Variants in LIPE observed in about 807,000 individuals in gnomAD.
LIPE encodes the protein lipase E, hormone sensitive type.
A neutral mutation model predicts 88.5 loss-of-function variants in LIPE; 66 were observed. That is an observed-to-expected ratio of 0.75 (90% CI 0.61 to 0.91). The LOEUF (loss-of-function observed/expected upper bound fraction) is 0.91, where lower values mean the gene tolerates loss of function less well. Among genes scored for constraint, LIPE ranks in the 40% least tolerant of loss-of-function variants. The pLI is 0.00. For synonymous variants in LIPE, 570 were observed against 617.5 expected (o/e 0.92, Z 1.14); for missense variants, 1,346 against 1,434.7 (o/e 0.94, Z 1.00).
At chr19:42,405,329 T>C in intron 8 of LIPE, 56 bp downstream of exon 8, 1 of 1,565,786 alleles carries the variant, frequency 6.4e-7, no homozygotes, top group Admixed American at 1.7e-5. Context: ...TTTGCTGTGC[T>C]AGGCTGTCCC....
At chr19:42,403,288 T>A (rs1295479776) in intron 8 of LIPE, among the ~76,000 whole-genome samples, 4 of 140,294 alleles carry the variant, frequency 2.9e-5, no homozygotes, top group Admixed American at 7.1e-5. Context: ...TGTGTGTGTG[T>A]GTGTGACTGG....
chr19:42,404,205 C>G (rs1419129905), intron 8 of LIPE, among the ~76,000 whole-genome samples: 8 of 151,306 alleles, frequency 5.3e-5, no homozygotes. Context: ...GCTGGGATTA[C>G]AGGCATGCCA....
intron 1 of LIPE, chr19:42,412,628 A>G (rs2040406961): frequency 1.1e-6 from 1 of 943,496 alleles, no homozygotes; most frequent in Non-Finnish European, 1.3e-6. Context: ...CTTAGAACCC[A>G]GGAGTCCACA....
chr19:42,402,473 C>T (rs553808674), intron 9 of LIPE, 134 bp downstream of exon 9: 1 of 778,540 alleles, frequency 1.3e-6, no homozygotes, highest in South Asian at 3.4e-5. Flanking sequence ...ATTGTTCTCC[C>T]CTGGGGACAC....
At position 42,401,895 on chromosome 19, in the gene LIPE, C is replaced by G; in HGVS notation, c.3148G>C (p.Val1050Leu). Reference sequence around the variant, plus strand: ...CCGGCTCCGGCGGGAGGAGTGAGGACGAGGCGGATGCGCTCCACGCACAGC... The same window carrying G: ...CCGGCTCCGGCGGGAGGAGTGAGGAGGAGGCGGATGCGCTCCACGCACAGC... Reference protein sequence around the residue: ...AELCVERIRLVLTPPAGAGPS... With the variant: ...AELCVERIRLLLTPPAGAGPS... The change falls in exon 10 of 10, where the codon GTC becomes CTC. Residue 1050 changes from valine (V) to leucine (L), a missense_variant. By Grantham distance (32) the Val-to-Leu change is conservative. Coordinates refer to ENST00000244289, the MANE Select transcript of LIPE (RefSeq NM_005357.4). 1.9e-6 allele frequency: 3 copies of G among 1,544,192 alleles called. No homozygotes were observed. The highest frequency in any genetic ancestry group is 1.2e-5 in the South Asian group (1 of 83,816).
At chr19:42,423,944 T>C in intron 1 of LIPE, 2 of 1,169,604 alleles carry the variant, frequency 1.7e-6, no homozygotes, top group South Asian at 1.7e-5. Flanking sequence ...AGGGATGCCC[T>C]AGCACGCGGC....
At chr19:42,424,138 T>G (rs1179905870) in intron 1 of LIPE, 1 of 1,200,142 alleles carries the variant, frequency 8.3e-7, no homozygotes, top group South Asian at 1.5e-5. Context: ...GTTCTCCTAT[T>G]GCGCTTTTCC....
In LIPE at chr19:42,412,675, G is replaced by C. The variant is rs148716622; in HGVS notation, c.884-1833C>G. 284 of 529,044 alleles carry C rather than the reference G, an allele frequency of 5.4e-4. 1 individual carries two copies. In the African/African-American group the frequency reaches 5.5e-3, roughly 10 times the overall value. 32.8% of individuals were successfully genotyped at this position (529,044 alleles called of 1,614,324 possible). ...TCCTCCCTCAGACCCAGGAGTCCAG[G>C]CCCCCAGCCCCTTCATCCTTTAGGA... On this transcript the variant is annotated intron_variant, in intron 1 of 9. Coordinates refer to ENST00000244289, the MANE Select transcript of LIPE (RefSeq NM_005357.4).
At position 42,427,160 on chromosome 19, in the gene LIPE, C is replaced by T. The variant is rs1050359485; in HGVS notation, c.-11G>A. On this transcript the variant is annotated 5_prime_UTR_variant, in exon 1 of 10. Transcript: ENST00000244289. ...AGAACCTGGCTCCATTGTTATTTCC[C>T]TCACGGGAGATATTGATCTTCCAGG... 20 of 1,577,236 alleles carry T rather than the reference C, an allele frequency of 1.3e-5. No homozygotes were observed. The highest frequency in any genetic ancestry group is 1.7e-5 in the Non-Finnish European group (20 of 1,165,730).
rs866046624 is a variant in LIPE at position 42,412,395 on chromosome 19, G to C, written c.884-1553C>G. 45 of 985,930 alleles carry C rather than the reference G, an allele frequency of 4.6e-5. No individual in the cohort carries two copies. In the African/African-American group the frequency reaches 6.6e-4, roughly 15 times the overall value. 61.1% of individuals were successfully genotyped at this position (985,930 alleles called of 1,614,324 possible). On this transcript the variant is annotated intron_variant, in intron 1 of 9. Transcript: ENST00000244289. Reference sequence around the variant, plus strand: ...CTAGGCATCTTCCGAGCTTCCCTGGGCTGGGACTGCTGGTCTGTGGCTTGT... The same window carrying C: ...CTAGGCATCTTCCGAGCTTCCCTGGCCTGGGACTGCTGGTCTGTGGCTTGT...
Position 42,401,871 on chromosome 19 carries a change from C to T in LIPE, c.3172G>A (p.Gly1058Arg). The change falls in exon 10 of 10, where the codon GGG (glycine) becomes AGG (arginine). Residue 1058 changes from glycine (G) to arginine (R), a missense_variant. Coordinates refer to ENST00000244289, the MANE Select transcript of LIPE (RefSeq NM_005357.4). ...RLVLTPPAGA[G>R]PSGETGAAGV... ...GCAGCCCCCGTCTCCCCGCTCGGCCCGGCTCCGGCGGGAGGAGTGAGGACG... is the reference window on the plus strand; with the variant it reads ...GCAGCCCCCGTCTCCCCGCTCGGCCTGGCTCCGGCGGGAGGAGTGAGGACG... The T allele has an allele frequency of 6.5e-7, 1 of 1,532,144 alleles. No individual in the cohort carries two copies. The highest frequency in any genetic ancestry group is 2.2e-4 in the Middle Eastern group (1 of 4,560). 94.9% of individuals were successfully genotyped at this position (1,532,144 alleles called of 1,614,324 possible).
rs1180672669 is a variant in LIPE, at chr19:42,427,339, C to G, written c.-190G>C. The G allele has an allele frequency of 7.4e-6, 8 of 1,087,324 alleles. No homozygotes were observed. Among genetic ancestry groups the G allele is most frequent in the African/African-American group, 4.8e-5 (3 of 63,130 alleles). The allele number at this position is 1,087,324 out of a possible 1,614,324, so 67.4% of individuals were successfully genotyped here. On this transcript the variant is annotated 5_prime_UTR_variant, in exon 1 of 10. Coordinates refer to ENST00000244289, the MANE Select transcript of LIPE (RefSeq NM_005357.4). ...CAGTTGGCCGATCACAGCTGGCCCCCACTAAGTAATGAACTCTGTGCCTCT... is the reference window on the plus strand; with the variant it reads ...CAGTTGGCCGATCACAGCTGGCCCCGACTAAGTAATGAACTCTGTGCCTCT...
intron 1 of LIPE, among the ~76,000 whole-genome samples, chr19:42,417,655 G>A (rs1044603518): frequency 1.3e-5 from 2 of 152,102 alleles, no homozygotes; most frequent in Non-Finnish European, 2.9e-5. Flanking sequence ...GAATAGCTGG[G>A]ATTACAGGCA....
chr19:42,407,046 G>T lies in LIPE; in HGVS notation c.2137+128C>A. 1 of 818,768 alleles carries T rather than the reference G, an allele frequency of 1.2e-6. No homozygotes were observed. The highest frequency in any genetic ancestry group is 1.9e-6 in the Non-Finnish European group (1 of 538,190). 50.7% of individuals were successfully genotyped at this position (818,768 alleles called of 1,614,324 possible). On this transcript the variant is annotated intron_variant, in intron 6 of 9. Transcript: ENST00000244289. This position sits in a 1 kb window ranked among gnomAD's most constrained non-coding sequence, Gnocchi z 5.8. ...GAGGTGGAAGATTGGGCAGGACCTG[G>T]GTGAGCAGGAGCTGGGAGGTGTGGG...
Position 42,426,101 on chromosome 19 carries a change from C to CTTTT in LIPE, c.883+162_883+165dup, listed in dbSNP as rs1030833973. Among the ~76,000 whole-genome samples, 87 of 104,074 alleles carry CTTTT rather than the reference C, an allele frequency of 8.4e-4. 1 individual carries two copies. Among genetic ancestry groups the CTTTT allele is most frequent in the African/African-American group, 2.6e-3 (64 of 24,328 alleles). 68.3% of individuals were successfully genotyped at this position (104,074 alleles called of 152,430 possible). On this transcript the variant is annotated intron_variant, in intron 1 of 9. Transcript: ENST00000244289. The stretch of plus-strand genomic sequence containing the variant: ...ACAGGTGTGAGCCACTGCGCCCAGC[C>CTTTT]TTTTTTTTTTTTTTTTTTTTTTTTA...
At chr19:42,409,382 T>C (rs2040297305) in intron 2 of LIPE, among the ~76,000 whole-genome samples, 1 of 129,026 alleles carries the variant, frequency 7.8e-6, no homozygotes, top group African/African-American at 3.0e-5. Context: ...TGAAACCCCA[T>C]CTCTACTAAA....
chr19:42,407,092 G>T lies in LIPE; in HGVS notation c.2137+82C>A. The T allele has an allele frequency of 8.1e-7, 1 of 1,237,988 alleles. No homozygotes were observed. The highest frequency in any genetic ancestry group is 1.1e-6 in the Non-Finnish European group (1 of 915,902). 76.7% of individuals were successfully genotyped at this position (1,237,988 alleles called of 1,614,324 possible). On this transcript the variant is annotated intron_variant, in intron 6 of 9. Coordinates refer to ENST00000244289, the MANE Select transcript of LIPE (RefSeq NM_005357.4). This position sits in a 1 kb window ranked among gnomAD's most constrained non-coding sequence, Gnocchi z 5.8. Reference sequence around the variant, plus strand: ...GTGGGGGGAGAGAAAGGTAGAGGGTGTGAGGCTGAGGCTGGAGGAGCTTAA... The same window carrying T: ...GTGGGGGGAGAGAAAGGTAGAGGGTTTGAGGCTGAGGCTGGAGGAGCTTAA...
chr19:42,414,273 A>G lies in LIPE; in HGVS notation c.884-3431T>C, dbSNP rs542343006. 7.7e-4 allele frequency among the ~76,000 whole-genome samples: 111 copies of G among 144,528 alleles called. No homozygotes were observed. The highest frequency in any genetic ancestry group is 3.5e-3 in the Middle Eastern group (1 of 286). The allele number at this position is 144,528 out of a possible 152,430, so 94.8% of individuals were successfully genotyped here. ...TGGCGATAAAGCGAGACTCTGTCAG[A>G]AAAGAAAGGAAAGAAAGAAAGGAAA... On this transcript the variant is annotated intron_variant, in intron 1 of 9. Transcript: ENST00000244289. The surrounding 1 kb of genome is among the most constrained non-coding windows in gnomAD (Gnocchi z 4.6).
At chr19:42,411,618 T>C (rs1022693348) in intron 1 of LIPE, among the ~76,000 whole-genome samples, 10 of 152,164 alleles carry the variant, frequency 6.6e-5, no homozygotes, top group Non-Finnish European at 1.3e-4. Flanking sequence ...GAGTCATTCC[T>C]CATCCTTCAA....
Sources: gnomAD v4.1 joint callset for allele counts (sites outside exome capture counted in the v4.1 genomes callset) on GRCh38, gnomAD v4.1.1 for gene constraint, Gnocchi (gnomAD v3.1) non-coding constraint, MANE v1.5 for transcripts, NCBI Gene and HGNC (gene_info 2026-07-23, HGNC 2026-07-21) for gene names.